Variants in SLC25A21 observed in about 807,000 individuals in gnomAD.
SLC25A21 encodes the protein mitochondrial 2-oxodicarboxylate carrier.
Under a neutral mutation model 43.8 loss-of-function variants are expected in SLC25A21, and 47 were observed. The ratio of observed to expected loss-of-function variants is 1.07; its 90% confidence interval spans 0.85 to 1.37. The LOEUF is 1.37. Among genes scored for constraint, SLC25A21 ranks in the 40% most tolerant of loss-of-function variants. The pLI, the probability that SLC25A21 is intolerant of heterozygous loss-of-function variation, is 0.00. For missense variants in SLC25A21, 352 were observed against 350.2 expected (o/e 1.00, Z -0.04); for synonymous variants, 131 against 121.3 (o/e 1.08, Z -0.52).
intron 1 of SLC25A21, among the ~76,000 whole-genome samples, chr14:37,073,071 TG>T (rs1418538764): frequency 1.3e-5 from 2 of 152,202 alleles, no homozygotes; most frequent in African/African-American, 4.8e-5. Context: ...TAAGAACACT[TG>T]AAAAAACAGC....
At chr14:37,172,077 T>C in intron 1 of SLC25A21, 1 of 560,900 alleles carries the variant, frequency 1.8e-6, no homozygotes, top group Non-Finnish European at 3.1e-6. Context: ...CCGAGGCAAC[T>C]TTACTTGGGG....
chr14:37,004,562 C>T (rs1024305737), intron 1 of SLC25A21, among the ~76,000 whole-genome samples: 3 of 152,194 alleles, frequency 2.0e-5, no homozygotes, highest in Non-Finnish European at 4.4e-5. Context: ...TTCTGTGCCA[C>T]CAAGTGGCTA....
chr14:37,172,234 T>C (rs1408551605), intron 1 of SLC25A21, 47 bp downstream of exon 1: 3 of 1,535,282 alleles, frequency 2.0e-6, no homozygotes, highest in Non-Finnish European at 2.6e-6. Flanking sequence ...GGACACGCGG[T>C]GGGGAAAGCG....
chr14:37,137,959 A>G (rs748186914), intron 1 of SLC25A21, among the ~76,000 whole-genome samples: 10 of 152,206 alleles, frequency 6.6e-5, no homozygotes, highest in Non-Finnish European at 1.3e-4. Flanking sequence ...TGAATACAGT[A>G]TTAGTATTTG....
intron 1 of SLC25A21, among the ~76,000 whole-genome samples, chr14:36,997,703 C>A (rs1421428508): frequency 4.6e-5 from 7 of 151,650 alleles, no homozygotes; most frequent in Admixed American, 4.6e-4. Context: ...GTGGCAGGTG[C>A]CTGTAATCCC....
intron 6 of SLC25A21, 63 bp from the exon 7 acceptor site, chr14:36,711,545 C>A: frequency 3.3e-6 from 5 of 1,524,448 alleles, no homozygotes; most frequent in Non-Finnish European, 4.4e-6. Flanking sequence ...CAGTAAATTA[C>A]CGTATTAACT....
At position 37,057,149 on chromosome 14, in the gene SLC25A21, G is replaced by C. The variant is rs1034505689; in HGVS notation, c.70+115132C>G. Among the ~76,000 whole-genome samples the C allele has an allele frequency of 2.6e-5, 4 of 152,182 alleles. No individual in the cohort carries two copies. In the South Asian group the frequency reaches 6.2e-4, roughly 24 times the overall value. ...CTTTGAATTTAGGACTTTCAAATGC[G>C]TTACATGGCTACAATAATCTCTGTT... On this transcript the variant is annotated intron_variant, in intron 1 of 9. Transcript: ENST00000331299.
chr14:36,855,783 C>T (rs1292451324), intron 2 of SLC25A21, among the ~76,000 whole-genome samples: 2 of 152,196 alleles, frequency 1.3e-5, no homozygotes, highest in Admixed American at 6.5e-5. Context: ...TGATGCCTCA[C>T]TAATATTTAT....
At chr14:37,143,599 T>C (rs1166856472) in intron 1 of SLC25A21, among the ~76,000 whole-genome samples, 2 of 151,820 alleles carry the variant, frequency 1.3e-5, no homozygotes, top group East Asian at 3.9e-4. Context: ...CGTGTGTGTG[T>C]GTGTGTGTGT....
intron 3 of SLC25A21, among the ~76,000 whole-genome samples, chr14:36,800,078 A>T (rs971814320): frequency 6.6e-6 from 1 of 152,038 alleles, no homozygotes; most frequent in Non-Finnish European, 1.5e-5. Context: ...CTTTTTTTTA[A>T]ATTTTGTTTT....
chr14:37,044,976 A>G (rs956817920), intron 1 of SLC25A21, among the ~76,000 whole-genome samples: 2 of 152,228 alleles, frequency 1.3e-5, no homozygotes, highest in African/African-American at 2.4e-5. Flanking sequence ...ATCAATATAC[A>G]TATAAATGTA....
intron 2 of SLC25A21, among the ~76,000 whole-genome samples, chr14:36,833,440 T>C (rs1234392044): frequency 6.6e-6 from 1 of 152,202 alleles, no homozygotes; most frequent in African/African-American, 2.4e-5. Flanking sequence ...GCTGATAACC[T>C]TTTTCTAAGA....
At chr14:36,863,652 T>C (rs577946564) in intron 2 of SLC25A21, among the ~76,000 whole-genome samples, 2 of 152,352 alleles carry the variant, frequency 1.3e-5, no homozygotes, top group East Asian at 3.9e-4. Flanking sequence ...TTCCTCCTTA[T>C]TAATAAGATT....
intron 2 of SLC25A21, among the ~76,000 whole-genome samples, chr14:36,819,251 C>T (rs1888549327): frequency 6.6e-6 from 1 of 152,120 alleles, no homozygotes; most frequent in South Asian, 2.1e-4. Context: ...AGGAAACAGG[C>T]CCTGTCATTC....
chr14:37,125,393 G>A (rs1432403665), intron 1 of SLC25A21, among the ~76,000 whole-genome samples: 1 of 152,190 alleles, frequency 6.6e-6, no homozygotes, highest in Non-Finnish European at 1.5e-5. Context: ...TTAGCTAAAT[G>A]TATGAGTTTC....
intron 3 of SLC25A21, among the ~76,000 whole-genome samples, chr14:36,754,726 C>G (rs1006520433): frequency 9.9e-6 from 1 of 100,880 alleles, no homozygotes; most frequent in Non-Finnish European, 1.9e-5. Context: ...AAAGACAGTG[C>G]CCAAAAGAGA....
At chr14:37,098,801 ATAGATT>A (rs1284328856) in intron 1 of SLC25A21, among the ~76,000 whole-genome samples, 6,961 of 90,738 alleles carry the variant, frequency 0.077, 721 homozygotes, top group African/African-American at 0.19. Context: ...AGATAGATAG[ATAGATT>A]TTTTTTTTTT....
At chr14:37,151,008 A>G (rs1963749919) in intron 1 of SLC25A21, among the ~76,000 whole-genome samples, 1 of 152,090 alleles carries the variant, frequency 6.6e-6, no homozygotes, top group Non-Finnish European at 1.5e-5. Context: ...AAATATTAGC[A>G]CATTGGTAGG....
intron 1 of SLC25A21, among the ~76,000 whole-genome samples, chr14:37,057,809 T>C (rs187808844): frequency 3.3e-5 from 5 of 152,346 alleles, no homozygotes; most frequent in Admixed American, 2.6e-4. Flanking sequence ...GAGAGCGTTT[T>C]CCCTTTTAAC....
Sources: allele counts gnomAD v4.1 joint callset (sites outside exome capture counted in the v4.1 genomes callset), GRCh38; gene constraint gnomAD v4.1.1; transcripts MANE v1.5; gene names NCBI Gene and HGNC (gene_info 2026-07-23, HGNC 2026-07-21).